XRCC2: variants seen among roughly 807,000 people sequenced by gnomAD.
The protein encoded by XRCC2 is X-ray repair cross complementing 2, also known as DNA repair protein XRCC2.
In XRCC2, 24 loss-of-function variants were observed where a neutral mutation model predicts 27.3. The observed-to-expected ratio is 0.88, with a 90% CI of 0.64 to 1.24. The LOEUF (loss-of-function observed/expected upper bound fraction) is 1.24, where lower values mean the gene tolerates loss of function less well. XRCC2 is among the 50% of genes most tolerant of loss of function. The pLI is 0.00. For synonymous variants in XRCC2, 106 were observed against 115.4 expected (o/e 0.92, Z 0.52); for missense variants, 321 against 325.8 (o/e 0.99, Z 0.11).
rs530664762 is a variant in XRCC2, at chr7:152,663,346, T to TAAAAAAAAAAAAAAAAAAAAAAAAA, written c.40-2589_40-2565dup. ...GCTTTACGTAAGAATGTCTTTGAAG[T>TAAAAAAAAAAAAAAAAAAAAAAAAA]AAAAAAAAAAAAAAAAAAAAAAAAA... On this transcript the variant is annotated intron_variant, in intron 1 of 2. Coordinates refer to ENST00000359321, the MANE Select transcript of XRCC2 (RefSeq NM_005431.2). 2.3e-4 allele frequency among the ~76,000 whole-genome samples: 19 copies of TAAAAAAAAAAAAAAAAAAAAAAAAA among 80,908 alleles called. 1 individual carries two copies. Among genetic ancestry groups the TAAAAAAAAAAAAAAAAAAAAAAAAA allele is most frequent in the Non-Finnish European group, 3.7e-4 (15 of 40,472 alleles). The allele number at this position is 80,908 out of a possible 152,430, so 53.1% of individuals were successfully genotyped here.
At chr7:152,659,548 G>A (rs929483875) in intron 2 of XRCC2, among the ~76,000 whole-genome samples, 1 of 151,116 alleles carries the variant, frequency 6.6e-6, no homozygotes, top group African/African-American at 2.4e-5. Context: ...CCTGTGCAAA[G>A]ATACCCAACA....
At chr7:152,662,614 C>T (rs2098033624) in intron 1 of XRCC2, among the ~76,000 whole-genome samples, 1 of 140,612 alleles carries the variant, frequency 7.1e-6, no homozygotes, top group Admixed American at 7.4e-5. Flanking sequence ...GCTCTGTCGC[C>T]CAGGCTGGAG....
At chr7:152,658,457 T>C (rs1027512613) in intron 2 of XRCC2, among the ~76,000 whole-genome samples, 1 of 152,186 alleles carries the variant, frequency 6.6e-6, no homozygotes, top group Admixed American at 6.5e-5. Flanking sequence ...TGGTCCCTAC[T>C]TTAACCATTT....
intron 1 of XRCC2, among the ~76,000 whole-genome samples, chr7:152,664,983 G>GGT (rs2098034945): frequency 6.6e-6 from 1 of 151,150 alleles, no homozygotes; most frequent in Non-Finnish European, 1.5e-5. Flanking sequence ...AGACCAGTAC[G>GGT]GGAAAATTGC....
Position 152,648,065 on chromosome 7 carries a change from C to T in XRCC2, c.*577G>A, listed in dbSNP as rs2098026757. The T allele has an allele frequency of 6.6e-6, 1 of 152,208 alleles. No homozygotes were observed. Among genetic ancestry groups the T allele is most frequent in the Admixed American group, 6.5e-5 (1 of 15,270 alleles). 9.4% of individuals were successfully genotyped at this position (152,208 alleles called of 1,614,324 possible). A position where few individuals can be genotyped will look rare whatever the true frequency, so the allele number is the denominator to read the frequency against. On this transcript the variant is annotated 3_prime_UTR_variant, in exon 3 of 3. Coordinates refer to ENST00000359321, the MANE Select transcript of XRCC2 (RefSeq NM_005431.2). ...AGAAACAGAATAGTCTTTACTTTTA[C>T]TGTGCTAGTTTAACAAATCCATTCT... is the stretch of plus-strand genomic sequence containing the variant.
intron 2 of XRCC2, among the ~76,000 whole-genome samples, chr7:152,653,733 C>T (rs2098029515): frequency 1.3e-5 from 2 of 152,070 alleles, no homozygotes; most frequent in Non-Finnish European, 1.5e-5. Context: ...AAGTGCTAGA[C>T]TTATAGGCAT....
Position 152,644,947 on chromosome 7 carries a change from T to C in XRCC2, c.*3695A>G, listed in dbSNP as rs1291281993. ...ATGAGTCCGATTTTTCTGAAAGAGATGATTCTGATGATTCAGATGATTCTG... is the reference window on the plus strand; with the variant it reads ...ATGAGTCCGATTTTTCTGAAAGAGACGATTCTGATGATTCAGATGATTCTG... On this transcript the variant is annotated 3_prime_UTR_variant, in exon 3 of 3. Coordinates refer to ENST00000359321, the MANE Select transcript of XRCC2 (RefSeq NM_005431.2). 2.0e-5 allele frequency: 3 copies of C among 152,220 alleles called. No individual in the cohort carries two copies. The highest frequency in any genetic ancestry group is 7.2e-5 in the African/African-American group (3 of 41,458). The allele number at this position is 152,220 out of a possible 1,614,324, so 9.4% of individuals were successfully genotyped here.
In XRCC2 at chr7:152,649,232, A is replaced by T; in HGVS notation, c.253T>A (p.Tyr85Asn). ...ACTAGCCGGAGCATATCAAAGTGGT[A>T]ATCTGTATCAATAAATAAGACTTCT... is the stretch of plus-strand genomic sequence containing the variant. ...EVEVLFIDTD[Y>N]HFDMLRLVTI... Residue 85 changes from tyrosine (Y) to asparagine (N), a missense_variant, in exon 3 of 3, where the codon TAC becomes AAC. Transcript: ENST00000359321. 1 of 1,613,900 alleles carries T rather than the reference A, an allele frequency of 6.2e-7. No individual in the cohort carries two copies. Among genetic ancestry groups the T allele is most frequent in the Non-Finnish European group, 8.5e-7 (1 of 1,180,030 alleles).
intron 1 of XRCC2, among the ~76,000 whole-genome samples, chr7:152,673,447 G>A (rs1258521926): frequency 1.3e-5 from 2 of 152,104 alleles, no homozygotes; most frequent in Admixed American, 6.6e-5. Context: ...TTACGGGCAT[G>A]AGCCACTGCA....
chr7:152,663,513 A>C (rs1346215781), intron 1 of XRCC2, among the ~76,000 whole-genome samples: 1 of 152,124 alleles, frequency 6.6e-6, no homozygotes, highest in East Asian at 1.9e-4. Flanking sequence ...CCTGAGAGGT[A>C]ATTCTAAACC....
intron 2 of XRCC2, among the ~76,000 whole-genome samples, chr7:152,652,071 G>A (rs373495599): frequency 4.0e-5 from 6 of 151,890 alleles, no homozygotes; most frequent in African/African-American, 1.4e-4. Context: ...CAGCTACTCA[G>A]GGTGAAGTGG....
chr7:152,653,101 G>A (rs1046095670), intron 2 of XRCC2, among the ~76,000 whole-genome samples: 1 of 152,170 alleles, frequency 6.6e-6, no homozygotes, highest in Non-Finnish European at 1.5e-5. Context: ...GGGACCCAGT[G>A]GGGGTAATTG....
intron 2 of XRCC2, among the ~76,000 whole-genome samples, chr7:152,654,751 C>T (rs1267635709): frequency 2.0e-5 from 3 of 152,152 alleles, no homozygotes; most frequent in African/African-American, 7.2e-5. Flanking sequence ...TAAATCCCTG[C>T]CTAAGAGATA....
At chr7:152,656,280 T>C (rs1231648985) in intron 2 of XRCC2, among the ~76,000 whole-genome samples, 1 of 152,122 alleles carries the variant, frequency 6.6e-6, no homozygotes, top group Admixed American at 6.6e-5. Context: ...TCCCAGCATT[T>C]TGGGAGGCCA....
chr7:152,669,855 C>T (rs903472329), intron 1 of XRCC2, among the ~76,000 whole-genome samples: 3 of 151,466 alleles, frequency 2.0e-5, no homozygotes, highest in Non-Finnish European at 2.9e-5. Context: ...CCCAGCACTT[C>T]GGGAGGCCGA....
chr7:152,672,577 G>A (rs3218401), intron 1 of XRCC2, among the ~76,000 whole-genome samples: 7,980 of 152,180 alleles, frequency 0.052, 261 homozygotes, highest in East Asian at 0.12. Context: ...GCTTGCTCCT[G>A]GCAGAACCAA....
Position 152,645,746 on chromosome 7 carries a change from T to C in XRCC2, c.*2896A>G, listed in dbSNP as rs991950557. 10 of 152,300 alleles carry C rather than the reference T, an allele frequency of 6.6e-5. No individual in the cohort carries two copies. The East Asian group carries it at 1.3e-3, about 21-fold the overall frequency. 9.4% of individuals were successfully genotyped at this position (152,300 alleles called of 1,614,324 possible). ...ATGTTTACTGAGGGATTTTTGTATA[T>C]ACCTTTTATCAATTCAAGGGACTCA... On this transcript the variant is annotated 3_prime_UTR_variant, in exon 3 of 3. Coordinates refer to ENST00000359321, the MANE Select transcript of XRCC2 (RefSeq NM_005431.2).
At position 152,649,230 on chromosome 7, in the gene XRCC2, GTAATCTGTATCAATAAATAAGAC is replaced by G. The variant is rs1247707104; in HGVS notation, c.232_254del (p.Val78ProfsTer3). On this transcript the variant is annotated frameshift_variant, in exon 3 of 3. Transcript: ENST00000359321. LOFTEE classifies it high-confidence loss of function. ...TAACTAGCCGGAGCATATCAAAGTG[GTAATCTGTATCAATAAATAAGAC>G]TTCTACTTCCAGGCCACCTTCTGAT... 6.2e-7 allele frequency: 1 copy of G among 1,613,724 alleles called. No homozygotes were observed. Among genetic ancestry groups the G allele is most frequent in the Non-Finnish European group, 8.5e-7 (1 of 1,180,032 alleles).
At chr7:152,655,122 C>T (rs927311578) in intron 2 of XRCC2, among the ~76,000 whole-genome samples, 2 of 152,156 alleles carry the variant, frequency 1.3e-5, no homozygotes, top group Non-Finnish European at 2.9e-5. Context: ...AGGTTTGGCA[C>T]TTGAAGATAT....
Sources: allele counts gnomAD v4.1 joint callset (sites outside exome capture counted in the v4.1 genomes callset), GRCh38; gene constraint gnomAD v4.1.1; transcripts MANE v1.5; gene names NCBI Gene and HGNC (gene_info 2026-07-23, HGNC 2026-07-21).